Variants in EYA2 observed in about 807,000 individuals in gnomAD.
The protein encoded by EYA2 is protein phosphatase EYA2.
A neutral mutation model predicts 69.2 loss-of-function variants in EYA2; 31 were observed. That is an observed-to-expected ratio of 0.45 (90% CI 0.34 to 0.60). The LOEUF (loss-of-function observed/expected upper bound fraction) is 0.60, where lower values mean the gene tolerates loss of function less well. Among genes scored for constraint, EYA2 ranks in the 20% least tolerant of loss-of-function variants. The probability of loss-of-function intolerance (pLI) is 0.02; values close to 1 mark genes in which losing one functional copy is unlikely to be tolerated. For missense variants in EYA2, 622 were observed against 701.2 expected (o/e 0.89, Z 1.28); for synonymous variants, 257 against 279.4 (o/e 0.92, Z 0.80).
intron 1 of EYA2, among the ~76,000 whole-genome samples, chr20:46,988,954 C>T (rs1189109358): frequency 6.6e-6 from 1 of 152,148 alleles, no homozygotes; most frequent in Non-Finnish European, 1.5e-5. Context: ...GATCTGCCTG[C>T]CTCAGCCTCC....
chr20:47,130,334 G>C (rs536705029), intron 9 of EYA2, among the ~76,000 whole-genome samples: 1 of 123,868 alleles, frequency 8.1e-6, no homozygotes, highest in South Asian at 2.6e-4. Flanking sequence ...GCACAATCTC[G>C]GCTCACTGCA....
intron 5 of EYA2, among the ~76,000 whole-genome samples, chr20:47,053,500 T>A (rs2030445016): frequency 6.6e-6 from 1 of 151,740 alleles, no homozygotes; most frequent in African/African-American, 2.4e-5. Flanking sequence ...ACTCCGTCTC[T>A]ACTAGAAATA....
At chr20:47,175,495 G>A (rs2034408777) in intron 12 of EYA2, among the ~76,000 whole-genome samples, 1 of 152,212 alleles carries the variant, frequency 6.6e-6, no homozygotes, top group East Asian at 1.9e-4. Context: ...ATTGGTAGAT[G>A]GCTAATAGTG....
intron 1 of EYA2, among the ~76,000 whole-genome samples, chr20:46,923,558 T>G (rs951837664): frequency 6.6e-6 from 1 of 152,216 alleles, no homozygotes; most frequent in Non-Finnish European, 1.5e-5. Context: ...GTGATTGAAG[T>G]GGGTAATAAA....
At chr20:47,163,070 C>T (rs2034104291) in intron 10 of EYA2, among the ~76,000 whole-genome samples, 1 of 151,318 alleles carries the variant, frequency 6.6e-6, no homozygotes, top group South Asian at 2.1e-4. Flanking sequence ...TGCTCTGTCA[C>T]CCAGGCTGGA....
intron 1 of EYA2, among the ~76,000 whole-genome samples, chr20:46,988,211 G>A (rs1981422222): frequency 6.7e-6 from 1 of 149,978 alleles, no homozygotes; most frequent in South Asian, 2.1e-4. Flanking sequence ...CATGGCGGGG[G>A]GCGGGGGTGG....
intron 5 of EYA2, among the ~76,000 whole-genome samples, chr20:47,052,910 C>T (rs1005676093): frequency 2.6e-5 from 4 of 152,220 alleles, no homozygotes; most frequent in Non-Finnish European, 4.4e-5. Flanking sequence ...CTTTTATCCA[C>T]ATTCACAGTA....
At chr20:47,146,684 G>A (rs1451255788) in intron 10 of EYA2, among the ~76,000 whole-genome samples, 1 of 152,220 alleles carries the variant, frequency 6.6e-6, no homozygotes, top group Non-Finnish European at 1.5e-5. Flanking sequence ...GCTGCCCAGG[G>A]AAGCTGTGTG....
At chr20:46,921,916 A>C (rs1985197976) in intron 1 of EYA2, among the ~76,000 whole-genome samples, 2 of 152,312 alleles carry the variant, frequency 1.3e-5, no homozygotes, top group South Asian at 4.1e-4. Flanking sequence ...GTGGTTTTGC[A>C]TTTACTAAGT....
intron 1 of EYA2, among the ~76,000 whole-genome samples, chr20:46,927,890 G>A (rs193264902): frequency 1.2e-4 from 18 of 152,250 alleles, no homozygotes; most frequent in Admixed American, 3.9e-4. Context: ...TATGAGGATC[G>A]GGTGAGGTAA....
intron 15 of EYA2, among the ~76,000 whole-genome samples, chr20:47,183,893 A>G (rs1052811503): frequency 5.3e-5 from 8 of 152,296 alleles, no homozygotes; most frequent in African/African-American, 1.7e-4. Context: ...GGATCTGTCA[A>G]CAGCGCCCCA....
chr20:46,928,426 A>G (rs1412957), intron 1 of EYA2, among the ~76,000 whole-genome samples: 69,456 of 152,086 alleles, frequency 0.46, 16,613 homozygotes, highest in East Asian at 0.83. Flanking sequence ...TGAGCATCAG[A>G]GGCTGTGATG....
Position 47,143,075 on chromosome 20 carries a change from T to C in EYA2, c.905T>C (p.Val302Ala). 6.2e-7 allele frequency: 1 copy of C among 1,613,910 alleles called. No individual in the cohort carries two copies. The highest frequency in any genetic ancestry group is 8.5e-7 in the Non-Finnish European group (1 of 1,179,902). ...GCCTCGCAGGACACCACGACGTCCG[T>C]GCGCATTGGCCTTATGATGGAAGAG... ...SRYGKDTTTS[V>A]RIGLMMEEMI... Residue 302 changes from valine (V) to alanine (A), a missense_variant, in exon 10 of 16, where the codon GTG becomes GCG. Coordinates refer to ENST00000327619, the MANE Select transcript of EYA2 (RefSeq NM_005244.5).
At chr20:47,170,368 C>T (rs977492854) in intron 11 of EYA2, among the ~76,000 whole-genome samples, 6 of 151,552 alleles carry the variant, frequency 4.0e-5, no homozygotes, top group African/African-American at 1.5e-4. Context: ...ACCTTCAGGC[C>T]GGGTGTGGTG....
chr20:47,001,882 T>G (rs1004642128), intron 3 of EYA2, among the ~76,000 whole-genome samples: 10 of 151,934 alleles, frequency 6.6e-5, no homozygotes, highest in Non-Finnish European at 1.3e-4. Flanking sequence ...GCCACTGTCT[T>G]TCTTTCTCCT....
At chr20:47,032,212 C>T (rs779872170) in intron 5 of EYA2, among the ~76,000 whole-genome samples, 3 of 152,154 alleles carry the variant, frequency 2.0e-5, no homozygotes, top group Non-Finnish European at 2.9e-5. Flanking sequence ...GGTGGTAAAG[C>T]GGGGACCAGA....
At chr20:46,933,102 G>A (rs1022805763) in intron 1 of EYA2, among the ~76,000 whole-genome samples, 5 of 152,170 alleles carry the variant, frequency 3.3e-5, no homozygotes, top group African/African-American at 1.2e-4. Flanking sequence ...TGTGAGAACA[G>A]ACTAATACAA....
chr20:46,948,109 C>CA (rs72010207), intron 1 of EYA2, among the ~76,000 whole-genome samples: 84,073 of 133,988 alleles, frequency 0.63, 26,959 homozygotes, highest in East Asian at 0.85. Context: ...GACCTTGTCT[C>CA]AAAAAAAAAA....
At chr20:46,920,583 T>C (rs1377783074) in intron 1 of EYA2, among the ~76,000 whole-genome samples, 1 of 152,228 alleles carries the variant, frequency 6.6e-6, no homozygotes, top group Non-Finnish European at 1.5e-5. Flanking sequence ...AGTCTGAGAA[T>C]CATCAGACAA....
Sources: gnomAD v4.1 joint callset for allele counts (sites outside exome capture counted in the v4.1 genomes callset) on GRCh38, gnomAD v4.1.1 for gene constraint, MANE v1.5 for transcripts, NCBI Gene and HGNC (gene_info 2026-07-23, HGNC 2026-07-21) for gene names.